Variants in ROBO2 observed in about 807,000 individuals in gnomAD.
ROBO2 encodes roundabout guidance receptor 2, also known as roundabout homolog 2.
Under a neutral mutation model 160.8 loss-of-function variants are expected in ROBO2, and 53 were observed. The observed-to-expected ratio is 0.33, with a 90% CI of 0.26 to 0.41. ROBO2 has a LOEUF of 0.41. ROBO2 is among the 10% of genes least tolerant of loss of function. ROBO2 has a pLI of 1.00. For synonymous variants in ROBO2, 664 were observed against 611.7 expected, an observed-to-expected ratio of 1.09 and a Z score of -1.26; for missense variants, 1,577 against 1,722.4, an observed-to-expected ratio of 0.92 and a Z score of 1.49.
intron 2 of ROBO2, among the ~76,000 whole-genome samples, chr3:76,472,092 TGTGTGTGTGC>T (rs1159570601): frequency 0.011 from 1,403 of 123,922 alleles, 18 homozygotes; most frequent in African/African-American, 0.037. Flanking sequence ...TGTGTGTGTG[TGTGTGTGTGC>T]GCGTGTGCGT....
chr3:77,125,948 A>G (rs1400724506), intron 2 of ROBO2, among the ~76,000 whole-genome samples: 1 of 152,210 alleles, frequency 6.6e-6, no homozygotes, highest in African/African-American at 2.4e-5. Context: ...ACATGTTTGC[A>G]GAGTCTAGAG....
chr3:76,580,328 GTTTTTTTT>G (rs748888426), intron 2 of ROBO2, among the ~76,000 whole-genome samples: 1 of 67,326 alleles, frequency 1.5e-5, no homozygotes, highest in Non-Finnish European at 2.7e-5. Flanking sequence ...TTTTTTTTTT[GTTTTTTTT>G]TTTGTGTTTT....
chr3:77,048,618 A>C lies in ROBO2; in HGVS notation c.61+7772A>C, dbSNP rs376158459. Among the ~76,000 whole-genome samples the C allele has an allele frequency of 3.3e-5, 5 of 152,178 alleles. No individual in the cohort carries two copies. The East Asian group carries it at 7.7e-4, about 23-fold the overall frequency. On this transcript the variant is annotated intron_variant, in intron 1 of 25. Transcript: ENST00000461745. ...GACAAACTAAATAAACACTTTGAGA[A>C]CCGAAGACCTAAGTAAAAATTAACA... is the stretch of plus-strand genomic sequence containing the variant.
chr3:76,714,167 A>C (rs921943074), intron 2 of ROBO2, among the ~76,000 whole-genome samples: 13 of 152,106 alleles, frequency 8.5e-5, no homozygotes, highest in Non-Finnish European at 1.5e-4. Flanking sequence ...CAAAATTAGG[A>C]GGAAAATTTT....
At chr3:76,196,364 T>C (rs1485143229) in intron 2 of ROBO2, among the ~76,000 whole-genome samples, 1 of 152,150 alleles carries the variant, frequency 6.6e-6, no homozygotes, top group African/African-American at 2.4e-5. Flanking sequence ...TTTTCCCCGA[T>C]GTATAGTCAG....
chr3:76,504,634 T>C (rs1212706011), intron 2 of ROBO2, among the ~76,000 whole-genome samples: 1 of 146,686 alleles, frequency 6.8e-6, no homozygotes, highest in Non-Finnish European at 1.5e-5. Context: ...GTTCACGCCA[T>C]TCTCCTGCCT....
At chr3:76,172,204 T>C (rs920446877) in intron 2 of ROBO2, among the ~76,000 whole-genome samples, 31 of 149,768 alleles carry the variant, frequency 2.1e-4, no homozygotes, top group African/African-American at 7.4e-4. Flanking sequence ...AACCAAACAC[T>C]GCATGTTCTC....
chr3:77,577,701 G>T (rs1196819253), intron 15 of ROBO2, 87 bp downstream of exon 16: 9 of 1,481,934 alleles, frequency 6.1e-6, no homozygotes, highest in Non-Finnish European at 8.5e-6. Flanking sequence ...ATCTCTAAAG[G>T]TTCTCTTATT....
At chr3:76,432,405 T>C (rs2076475574) in intron 2 of ROBO2, among the ~76,000 whole-genome samples, 1 of 152,198 alleles carries the variant, frequency 6.6e-6, no homozygotes, top group Admixed American at 6.5e-5. Flanking sequence ...ACACAATTTG[T>C]GAGAGTTGGC....
At chr3:77,114,492 A>G (rs908171113) in intron 2 of ROBO2, among the ~76,000 whole-genome samples, 1 of 152,182 alleles carries the variant, frequency 6.6e-6, no homozygotes, top group Non-Finnish European at 1.5e-5. Flanking sequence ...TATTGCTGGT[A>G]AAATGAGGCA....
chr3:76,001,875 C>G (rs1165813058), intron 2 of ROBO2, among the ~76,000 whole-genome samples: 1 of 152,128 alleles, frequency 6.6e-6, no homozygotes, highest in African/African-American at 2.4e-5. Flanking sequence ...ATATCTTACT[C>G]TTAATAATTT....
At chr3:76,474,129 TATACCAGGTCG>T (rs2078809836) in intron 2 of ROBO2, among the ~76,000 whole-genome samples, 2 of 152,176 alleles carry the variant, frequency 1.3e-5, no homozygotes, top group East Asian at 3.9e-4. Context: ...TTATAAATAC[TATACCAGGTCG>T]ATTACATGTA....
At chr3:77,357,480 C>T (rs2069305842) in intron 2 of ROBO2, among the ~76,000 whole-genome samples, 1 of 152,230 alleles carries the variant, frequency 6.6e-6, no homozygotes, top group East Asian at 1.9e-4. Flanking sequence ...CTGGACTTTC[C>T]AGCTACCAGA....
intron 1 of ROBO2, among the ~76,000 whole-genome samples, chr3:77,078,855 T>G (rs547564315): frequency 5.9e-5 from 9 of 152,332 alleles, no homozygotes; most frequent in African/African-American, 2.2e-4. Context: ...CTCTAGTTAG[T>G]TTGAACACTC....
chr3:75,949,281 C>T (rs1050111398), intron 2 of ROBO2, among the ~76,000 whole-genome samples: 7 of 151,978 alleles, frequency 4.6e-5, no homozygotes, highest in Admixed American at 1.3e-4. Context: ...CTTTGGTCTA[C>T]TTTTACTTTA....
rs1339034503 is a variant in ROBO2, at chr3:77,288,028, T to C, written c.389-189386T>C. Reference sequence around the variant, plus strand: ...AGTAGATATTTCAGTGTACAGTAATTTAGGTTCATGAAAAACTCTTAGGTT... The same window carrying C: ...AGTAGATATTTCAGTGTACAGTAATCTAGGTTCATGAAAAACTCTTAGGTT... On this transcript the variant is annotated intron_variant, in intron 2 of 25. Coordinates refer to ENST00000461745, the Ensembl canonical transcript of ROBO2. 2.6e-5 allele frequency among the ~76,000 whole-genome samples: 4 copies of C among 152,158 alleles called. No individual in the cohort carries two copies. In the East Asian group the frequency reaches 7.7e-4, roughly 29 times the overall value.
intron 2 of ROBO2, among the ~76,000 whole-genome samples, chr3:76,077,433 G>A (rs1265765445): frequency 6.6e-6 from 1 of 152,026 alleles, no homozygotes; most frequent in Non-Finnish European, 1.5e-5. Context: ...TGTGGTGGCA[G>A]GCACCTGTAG....
chr3:77,128,968 A>G lies in ROBO2; in HGVS notation c.388+30628A>G, dbSNP rs369138306. On this transcript the variant is annotated intron_variant, in intron 2 of 25. Coordinates refer to ENST00000461745, the Ensembl canonical transcript of ROBO2. ...ATATGATAGGTGAAAATATTATTGCATAATAATTTTACTTTTTATTTCTAG... is the reference window on the plus strand; with the variant it reads ...ATATGATAGGTGAAAATATTATTGCGTAATAATTTTACTTTTTATTTCTAG... Among the ~76,000 whole-genome samples, 19 of 152,280 alleles carry G rather than the reference A, an allele frequency of 1.2e-4. No individual in the cohort carries two copies. In the East Asian group the frequency reaches 3.7e-3, roughly 29 times the overall value.
chr3:76,307,073 A>G (rs1023997385), intron 2 of ROBO2, among the ~76,000 whole-genome samples: 1 of 152,110 alleles, frequency 6.6e-6, no homozygotes, highest in Non-Finnish European at 1.5e-5. Flanking sequence ...GCCCCTGCCT[A>G]CCGCTGCTAC....
Sources: allele counts gnomAD v4.1 joint callset (sites outside exome capture counted in the v4.1 genomes callset), GRCh38; gene constraint gnomAD v4.1.1; transcripts MANE v1.5; gene names NCBI Gene and HGNC (gene_info 2026-07-23, HGNC 2026-07-21).